ZNF541: variants seen among roughly 807,000 people sequenced by gnomAD.
The protein encoded by ZNF541 is zinc finger protein 541.
ZNF541 carries 23 observed loss-of-function variants against 123.5 expected under a neutral mutation model. The observed-to-expected ratio is 0.19, with a 90% CI of 0.13 to 0.26. ZNF541 has a LOEUF of 0.26. Ranked by LOEUF, ZNF541 falls within the 10% of genes least tolerant of loss-of-function variation. The pLI is 1.00. For missense variants in ZNF541, 1,612 were observed against 1,789.9 expected (o/e 0.90, Z 1.79); for synonymous variants, 751 against 754.5 (o/e 1.00, Z 0.08).
At chr19:47,535,041 G>A (rs1420233089) in intron 9 of ZNF541, among the ~76,000 whole-genome samples, 3 of 150,070 alleles carry the variant, frequency 2.0e-5, no homozygotes, top group South Asian at 2.1e-4. Context: ...TGCAACCTCC[G>A]CCTCCTGGGT....
intron 4 of ZNF541, among the ~76,000 whole-genome samples, chr19:47,546,823 C>A (rs913151039): frequency 6.6e-6 from 1 of 152,118 alleles, no homozygotes; most frequent in Admixed American, 6.5e-5. Flanking sequence ...CAGGTTCAAG[C>A]GATTCTTGTG....
rs1182446632 is a variant in ZNF541, at chr19:47,545,718, G to T, written c.811C>A (p.His271Asn). The T allele has an allele frequency of 2.6e-6, 4 of 1,546,626 alleles. No individual in the cohort carries two copies. The Admixed American group carries it at 5.9e-5, about 23-fold the overall frequency. ...EARSPGSLLP[H>N]RDLLRRIVSS... Reference sequence around the variant, plus strand: ...ACGATGCGGCGCAGGAGGTCCCGGTGGGGCAGGAGGGAGCCGGGGGACCTG... The same window carrying T: ...ACGATGCGGCGCAGGAGGTCCCGGTTGGGCAGGAGGGAGCCGGGGGACCTG... Residue 271 changes from histidine to asparagine, a missense_variant, in exon 5 of 17, where the codon CAC (histidine) becomes AAC (asparagine). His to Asn is a moderately conservative substitution (Grantham distance 68). Transcript: ENST00000391901. This position sits in a 1 kb window ranked among gnomAD's most constrained non-coding sequence, Gnocchi z 7.5.
rs369951057 is a variant in ZNF541 at position 47,537,563 on chromosome 19, C to CAA, written c.3094+577_3094+578dup. 3.3e-3 allele frequency among the ~76,000 whole-genome samples: 186 copies of CAA among 56,440 alleles called. 2 individuals are homozygous for CAA. Among genetic ancestry groups the CAA allele is most frequent in the African/African-American group, 8.5e-3 (142 of 16,674 alleles). The allele number at this position is 56,440 out of a possible 152,430, so 37.0% of individuals were successfully genotyped here. On this transcript the variant is annotated intron_variant, in intron 9 of 16. Transcript: ENST00000391901. ...TGGGTGATAGAGTGATACTCTGTCTCAAAAAAAAAAAAAAAAAAAAGGAAA... is the reference window on the plus strand; with the variant it reads ...TGGGTGATAGAGTGATACTCTGTCTCAAAAAAAAAAAAAAAAAAAAAAGGAAA...
rs1461157051 is a variant in ZNF541 at position 47,521,509 on chromosome 19, T to G, written c.3857A>C (p.Gln1286Pro). 1 of 1,551,622 alleles carries G rather than the reference T, an allele frequency of 6.4e-7. No individual in the cohort carries two copies. Among genetic ancestry groups the G allele is most frequent in the African/African-American group, 1.4e-5 (1 of 73,044 alleles). Reference sequence around the variant, plus strand: ...ACACTCTCTGCATGGAAAAATGCCCTGGCTCTCTGCACTTCCCAACAGCTC... The same window carrying G: ...ACACTCTCTGCATGGAAAAATGCCCGGGCTCTCTGCACTTCCCAACAGCTC... ...TPELLGSAES[Q>P]GIFPCRECER... Residue 1286 changes from glutamine (Q) to proline (P), a missense_variant, in exon 16 of 17, where the codon CAG (glutamine) becomes CCG (proline). By Grantham distance (76) the Gln-to-Pro change is moderately conservative (BLOSUM62 -1). Around this residue, in one of 5 missense-constraint regions of ZNF541, gnomAD observed 5 missense variants for 30.3 expected, o/e 0.17. Coordinates refer to ENST00000391901, the MANE Select transcript of ZNF541 (RefSeq NM_001277075.3). The surrounding 1 kb of genome is among the most constrained non-coding windows in gnomAD (Gnocchi z 4.2).
Position 47,535,848 on chromosome 19 carries a change from C to T in ZNF541, c.3094+2294G>A, listed in dbSNP as rs148458763. 2.5e-3 allele frequency among the ~76,000 whole-genome samples: 382 copies of T among 152,130 alleles called. 2 individuals carry two copies. Among genetic ancestry groups the T allele is most frequent in the South Asian group, 5.0e-3 (24 of 4,816 alleles). ...CTCGGTCGGGGAGACCCTAACCCAG[C>T]GGCGCTAGAGGAATTAAAGACACAC... On this transcript the variant is annotated intron_variant, in intron 9 of 16. Coordinates refer to ENST00000391901, the MANE Select transcript of ZNF541 (RefSeq NM_001277075.3).
intron 9 of ZNF541, 62 bp from the exon 10 acceptor site, chr19:47,533,034 T>A: frequency 6.8e-7 from 1 of 1,479,894 alleles, no homozygotes. Flanking sequence ...CAGGGTCCTC[T>A]GCCTGCCTGT....
At chr19:47,538,027 C>T (rs1969902284) in intron 9 of ZNF541, 115 bp downstream of exon 9, 2 of 1,235,136 alleles carry the variant, frequency 1.6e-6, no homozygotes, top group Non-Finnish European at 2.3e-6. Flanking sequence ...AACCCTCAGA[C>T]TAGGTACACC....
At position 47,531,585 on chromosome 19, in the gene ZNF541, T is replaced by C. The variant is rs911622479; in HGVS notation, c.3405+57A>G. 7 of 1,361,372 alleles carry C rather than the reference T, an allele frequency of 5.1e-6. No homozygotes were observed. The South Asian group carries it at 5.6e-5, about 11-fold the overall frequency. 84.3% of individuals were successfully genotyped at this position (1,361,372 alleles called of 1,614,324 possible). On this transcript the variant is annotated intron_variant, in intron 12 of 16. Transcript: ENST00000391901. Reference sequence around the variant, plus strand: ...ACCCCCAAGCAGACAGCACGTCACATGCACCTAGAACCCTGGGCCCCAGGA... The same window carrying C: ...ACCCCCAAGCAGACAGCACGTCACACGCACCTAGAACCCTGGGCCCCAGGA...
Position 47,567,099 on chromosome 19 carries a change from G to C in ZNF541, c.-99+4797C>G, listed in dbSNP as rs192898295. 1.3e-3 allele frequency among the ~76,000 whole-genome samples: 190 copies of C among 151,868 alleles called. 1 individual carries two copies. The highest frequency in any genetic ancestry group is 4.3e-3 in the African/African-American group (180 of 41,440). The stretch of plus-strand genomic sequence containing the variant: ...AAATAAAATAAATAATAGAAAAATA[G>C]ATGGATAGAGCACTAGAGCATCACT... On this transcript the variant is annotated intron_variant, in intron 2 of 16. Transcript: ENST00000391901.
rs1397021635 is a variant in ZNF541, at chr19:47,529,017, A to G, written c.3503T>C (p.Ile1168Thr). 6 of 1,551,490 alleles carry G rather than the reference A, an allele frequency of 3.9e-6. No homozygotes were observed. The highest frequency in any genetic ancestry group is 2.4e-5 in the East Asian group (1 of 40,926). ...RYTGSDVWTP[I>T]EKRLFKKAFY... ...CGCCTTCTTAAAAAGCCTCTTCTCT[A>G]TAGGGGTCCAGACGTCTGAACCTAT... The change falls in exon 14 of 17, where the codon ATA becomes ACA. Residue 1168 changes from isoleucine to threonine, a missense_variant. This residue lies in a region of ZNF541 where 285 missense variants were observed against 407.3 expected (regional missense o/e 0.70). Coordinates refer to ENST00000391901, the MANE Select transcript of ZNF541 (RefSeq NM_001277075.3).
In ZNF541 at chr19:47,544,941, G is replaced by C; in HGVS notation, c.1588C>G (p.Leu530Val). 6.5e-7 allele frequency: 1 copy of C among 1,535,294 alleles called. No individual in the cohort carries two copies. The highest frequency in any genetic ancestry group is 8.7e-7 in the Non-Finnish European group (1 of 1,146,626). ...GLQEAQKAGG[L>V]PADASPLFRQ... is the part of the protein sequence containing the mutation. ...AAGAGCGGCGAGGCATCCGCAGGGA[G>C]CCCGCCTGCCTTCTGGGCCTCCTGG... The change falls in exon 5 of 17, where the codon CTC (leucine) becomes GTC (valine). Residue 530 changes from leucine (L) to valine (V), a missense_variant. Coordinates refer to ENST00000391901, the MANE Select transcript of ZNF541 (RefSeq NM_001277075.3).
chr19:47,539,653 C>T, intron 8 of ZNF541, 52 bp downstream of exon 8: 1 of 1,374,952 alleles, frequency 7.3e-7, no homozygotes, highest in Non-Finnish European at 9.4e-7. Context: ...CTACGGCTTC[C>T]CCCAGCAGCT....
intron 14 of ZNF541, among the ~76,000 whole-genome samples, chr19:47,526,064 T>A (rs1027140676): frequency 7.9e-5 from 12 of 151,864 alleles, no homozygotes; most frequent in Non-Finnish European, 1.2e-4. Flanking sequence ...AATGACAAAA[T>A]TTTTCTTTAA....
chr19:47,538,579 C>G (rs1969936091), intron 8 of ZNF541, 140 bp from the exon 9 acceptor site: 1 of 895,222 alleles, frequency 1.1e-6, no homozygotes, highest in East Asian at 2.8e-5. Flanking sequence ...AGGAGGCTGG[C>G]CACACCTGAG....
chr19:47,534,201 T>A (rs1969711200), intron 9 of ZNF541, among the ~76,000 whole-genome samples: 1 of 151,906 alleles, frequency 6.6e-6, no homozygotes. Context: ...AAGAAAATAA[T>A]CTGTAAACTT....
chr19:47,555,943 G>T lies in ZNF541; in HGVS notation c.-87C>A. ...AGACAGGGAGGAGAGAGCCCTTGAT[G>T]GCAACTAATTCCTGAAAATGAAGCA... On this transcript the variant is annotated 5_prime_UTR_variant, in exon 3 of 17. Transcript: ENST00000391901. 7.8e-7 allele frequency: 1 copy of T among 1,289,786 alleles called. No homozygotes were observed. The highest frequency in any genetic ancestry group is 1.1e-6 in the Non-Finnish European group (1 of 951,424). The allele number at this position is 1,289,786 out of a possible 1,614,324, so 79.9% of individuals were successfully genotyped here.
chr19:47,538,362 G>A lies in ZNF541; in HGVS notation c.2874C>T (p.Pro958=), dbSNP rs1289941570. The change falls in exon 9 of 17, where the codon CCC becomes CCT. Residue 958 remains proline (P), a synonymous_variant. Transcript: ENST00000391901. ...QQRKRKKRPP[P]STAGEPGPAG... ...CAGGGCCAGGCTCCCCAGCCGTGGA[G>A]GGTGGGGGCCGCTTCTTCCGCTTTC... is the stretch of plus-strand genomic sequence containing the variant. 1 of 1,544,882 alleles carries A rather than the reference G, an allele frequency of 6.5e-7. No individual in the cohort carries two copies. Among genetic ancestry groups the A allele is most frequent in the Admixed American group, 2.0e-5 (1 of 50,172 alleles).
chr19:47,538,577 G>A (rs1447658735), intron 8 of ZNF541, 138 bp from the exon 9 acceptor site: 9 of 901,442 alleles, frequency 1.0e-5, no homozygotes, highest in Admixed American at 9.3e-5. Flanking sequence ...AAAGGAGGCT[G>A]GCCACACCTG....
intron 4 of ZNF541, among the ~76,000 whole-genome samples, chr19:47,548,392 G>A (rs1970450612): frequency 1.4e-5 from 2 of 138,184 alleles, no homozygotes; most frequent in Admixed American, 7.7e-5. Context: ...GTAGTGAGCC[G>A]AGATCGTGCC....
Sources: allele counts gnomAD v4.1 joint callset (sites outside exome capture counted in the v4.1 genomes callset), GRCh38; gene constraint gnomAD v4.1.1; regional missense constraint gnomAD v4.1.1; non-coding constraint Gnocchi (gnomAD v3.1); transcripts MANE v1.5; gene names NCBI Gene and HGNC (gene_info 2026-07-23, HGNC 2026-07-21).